Variants in CHRM3 observed in about 807,000 individuals in gnomAD.
The protein encoded by CHRM3 is cholinergic receptor muscarinic 3, also known as muscarinic acetylcholine receptor M3.
Under a neutral mutation model 41.8 loss-of-function variants are expected in CHRM3, and 11 were observed. That is an observed-to-expected ratio of 0.26 (90% CI 0.17 to 0.44). CHRM3 has a LOEUF of 0.44. Among genes scored for constraint, CHRM3 ranks in the 20% least tolerant of loss-of-function variants. The pLI, the probability that CHRM3 is intolerant of heterozygous loss-of-function variation, is 1.00. For missense variants in CHRM3, 571 were observed against 745.4 expected (o/e 0.77, Z 2.72); for synonymous variants, 297 against 301.4 (o/e 0.99, Z 0.15).
intron 5 of CHRM3, among the ~76,000 whole-genome samples, chr1:239,776,845 G>A (rs1200154355): frequency 6.6e-6 from 1 of 152,130 alleles, no homozygotes; most frequent in Non-Finnish European, 1.5e-5. Context: ...GCAAGGAGAA[G>A]TACAGAGCAA....
At position 239,648,259 on chromosome 1, in the gene CHRM3, G is replaced by A. The variant is rs61834782; in HGVS notation, c.-250+15973G>A. On this transcript the variant is annotated intron_variant, in intron 4 of 6. Transcript: ENST00000676153. ...TTCACTGATGCTTCAGAGTGTGTGT[G>A]GGATGTCTCTTCTTGCTCCCTTTTC... Among the ~76,000 whole-genome samples, 583 of 152,214 alleles carry A rather than the reference G, an allele frequency of 3.8e-3. 5 individuals are homozygous for A. Among genetic ancestry groups the A allele is most frequent in the South Asian group, 0.018 (86 of 4,808 alleles).
chr1:239,709,026 T>G (rs79391180), intron 5 of CHRM3, among the ~76,000 whole-genome samples: 1,686 of 152,182 alleles, frequency 0.011, 20 homozygotes, highest in Non-Finnish European at 0.016. Flanking sequence ...GGAAAAATAA[T>G]AAAAGATATG....
chr1:239,842,569 C>G (rs899418109), intron 6 of CHRM3, among the ~76,000 whole-genome samples: 1 of 151,896 alleles, frequency 6.6e-6, no homozygotes, highest in Non-Finnish European at 1.5e-5. Context: ...ATGGGGAGAC[C>G]TAAAGTGGAA....
rs776406952 is a variant in CHRM3 at position 239,908,419 on chromosome 1, G to C, written c.968G>C (p.Ser323Thr). The change falls in exon 7 of 7, where the codon AGC becomes ACC. Residue 323 changes from serine to threonine, a missense_variant. This residue lies in a region of CHRM3 where 239 missense variants were observed against 239.6 expected (regional missense o/e 1.00). Coordinates refer to ENST00000676153, the MANE Select transcript of CHRM3 (RefSeq NM_001375978.1). This position sits in a 1 kb window ranked among gnomAD's most constrained non-coding sequence, Gnocchi z 7.2. ...TTCACAACCAAGAGCTGGAAACCCA[G>C]CTCCGAGCAGATGGACCAAGACCAC... is the stretch of plus-strand genomic sequence containing the variant. Reference protein sequence around the residue: ...FWFTTKSWKPSSEQMDQDHSS... With the variant: ...FWFTTKSWKPTSEQMDQDHSS... 1 of 1,614,090 alleles carries C rather than the reference G, an allele frequency of 6.2e-7. No individual in the cohort carries two copies.
chr1:239,466,140 C>T (rs1328084477), intron 1 of CHRM3, among the ~76,000 whole-genome samples: 1 of 151,956 alleles, frequency 6.6e-6, no homozygotes, highest in African/African-American at 2.4e-5. Flanking sequence ...ATTACAGGCG[C>T]CCGCCACCAC....
chr1:239,754,267 T>C (rs1666063390), intron 5 of CHRM3, among the ~76,000 whole-genome samples: 1 of 152,238 alleles, frequency 6.6e-6, no homozygotes, highest in Admixed American at 6.5e-5. Flanking sequence ...GAACAAATAA[T>C]CTGGAACCTA....
intron 1 of CHRM3, among the ~76,000 whole-genome samples, chr1:239,465,700 T>C (rs1480244791): frequency 2.0e-5 from 3 of 152,180 alleles, no homozygotes; most frequent in Non-Finnish European, 4.4e-5. Context: ...TAATTCCTTA[T>C]CATATAATTC....
chr1:239,616,553 A>G (rs555506492), intron 3 of CHRM3, among the ~76,000 whole-genome samples: 2 of 152,230 alleles, frequency 1.3e-5, no homozygotes, highest in Admixed American at 6.5e-5. Context: ...ACATTTGATC[A>G]TTTTCTGAAA....
intron 2 of CHRM3, among the ~76,000 whole-genome samples, chr1:239,538,980 C>T (rs1197039928): frequency 3.3e-5 from 5 of 152,292 alleles, no homozygotes; most frequent in South Asian, 4.1e-4. Flanking sequence ...AAAGACTCTT[C>T]GTATAACCCT....
At chr1:239,751,101 G>GT (rs1480707041) in intron 5 of CHRM3, among the ~76,000 whole-genome samples, 1 of 152,078 alleles carries the variant, frequency 6.6e-6, no homozygotes, top group African/African-American at 2.4e-5. Flanking sequence ...AGCCAGGTGT[G>GT]TTGGCGAGTG....
chr1:239,433,000 A>T (rs1290245751), intron 1 of CHRM3, among the ~76,000 whole-genome samples: 1 of 152,142 alleles, frequency 6.6e-6, no homozygotes, highest in Non-Finnish European at 1.5e-5. Flanking sequence ...AACTTTAGCT[A>T]TCACTTCACA....
chr1:239,904,227 C>T (rs1679795550), intron 6 of CHRM3, among the ~76,000 whole-genome samples: 1 of 152,124 alleles, frequency 6.6e-6, no homozygotes, highest in Non-Finnish European at 1.5e-5. Context: ...GAGAAAGGCC[C>T]TTCAGAGTAC....
At chr1:239,400,998 G>A (rs1480862049) in intron 1 of CHRM3, among the ~76,000 whole-genome samples, 2 of 152,136 alleles carry the variant, frequency 1.3e-5, no homozygotes, top group South Asian at 2.1e-4. Context: ...TATAAAATGC[G>A]TGCATATCTT....
intron 5 of CHRM3, among the ~76,000 whole-genome samples, chr1:239,769,496 C>G (rs1323129708): frequency 1.3e-5 from 2 of 152,192 alleles, no homozygotes; most frequent in African/African-American, 4.8e-5. Context: ...GTTGTATAAG[C>G]ACTGTGTTCC....
intron 5 of CHRM3, among the ~76,000 whole-genome samples, chr1:239,813,700 G>A (rs1286743356): frequency 6.9e-6 from 1 of 144,030 alleles, no homozygotes; most frequent in Non-Finnish European, 1.5e-5. Flanking sequence ...GGCGGATCAC[G>A]AGGTCAGGAG....
intron 3 of CHRM3, among the ~76,000 whole-genome samples, chr1:239,572,958 C>T (rs992872333): frequency 6.6e-6 from 1 of 152,144 alleles, no homozygotes; most frequent in Non-Finnish European, 1.5e-5. Flanking sequence ...TCTGTTTCTT[C>T]TCTAAATGTT....
At chr1:239,414,611 A>T (rs56000946) in intron 1 of CHRM3, among the ~76,000 whole-genome samples, 3,093 of 152,346 alleles carry the variant, frequency 0.02, 81 homozygotes, top group African/African-American at 0.07. Flanking sequence ...CTAGTCTAGC[A>T]TAGGCAGCAT....
chr1:239,868,641 C>G (rs1676320798), intron 6 of CHRM3, among the ~76,000 whole-genome samples: 1 of 152,180 alleles, frequency 6.6e-6, no homozygotes, highest in African/African-American at 2.4e-5. Context: ...TCACATCCCC[C>G]TTCAGCTCCC....
chr1:239,530,469 C>T (rs1431635330), intron 2 of CHRM3, among the ~76,000 whole-genome samples: 1 of 152,146 alleles, frequency 6.6e-6, no homozygotes, highest in Admixed American at 6.5e-5. Context: ...AAAATGGAGA[C>T]TTCCAGAGTG....
Sources: allele counts gnomAD v4.1 joint callset (sites outside exome capture counted in the v4.1 genomes callset), GRCh38; gene constraint gnomAD v4.1.1; regional missense constraint gnomAD v4.1.1; non-coding constraint Gnocchi (gnomAD v3.1); transcripts MANE v1.5; gene names NCBI Gene and HGNC (gene_info 2026-07-23, HGNC 2026-07-21).